The following DSC2 variants were observed in gnomAD, a reference collection of about 807,000 sequenced individuals.
The protein encoded by DSC2 is desmocollin-2.
In DSC2, 51 loss-of-function variants were observed where a neutral mutation model predicts 87.6. That is an observed-to-expected ratio of 0.58 (90% CI 0.46 to 0.74). The LOEUF is 0.74. Among genes scored for constraint, DSC2 ranks in the 30% least tolerant of loss-of-function variants. DSC2 has a pLI of 0.00. For synonymous variants in DSC2, 383 were observed against 393.2 expected, an observed-to-expected ratio of 0.97 and a Z score of 0.31; for missense variants, 1,066 against 1,089.5, an observed-to-expected ratio of 0.98 and a Z score of 0.30.
At chr18:31,096,079 G>A (rs1305196658) in intron 1 of DSC2, among the ~76,000 whole-genome samples, 2 of 152,106 alleles carry the variant, frequency 1.3e-5, no homozygotes, top group Non-Finnish European at 2.9e-5. Flanking sequence ...TAACGAGAAT[G>A]AGAAACCAAA....
chr18:31,089,329 A>T (rs761714858), intron 5 of DSC2, 110 bp downstream of exon 5: 539 of 1,228,796 alleles, frequency 4.4e-4, no homozygotes, highest in Middle Eastern at 1.7e-3. Context: ...GAGTAGCCAG[A>T]GCATTGGTGA....
intron 11 of DSC2, among the ~76,000 whole-genome samples, chr18:31,077,493 C>T (rs1213166609): frequency 6.6e-6 from 1 of 152,204 alleles, no homozygotes; most frequent in Admixed American, 6.5e-5. Flanking sequence ...CAATTTCCTT[C>T]CAGTAGATGT....
rs1318223723 is a variant in DSC2 at position 31,092,098 on chromosome 18, T to C, written c.354+3A>G. ...ATTTCTTCATTTATGTAGCCTTGTA[T>C]ACCTTTGTTTGATGCTCCAAAAAGA... On this transcript the variant is annotated splice_donor_region_variant and intron_variant, in intron 3 of 15. Transcript: ENST00000280904. 1 of 1,610,194 alleles carries C rather than the reference T, an allele frequency of 6.2e-7. No individual in the cohort carries two copies.
At position 31,069,100 on chromosome 18, in the gene DSC2, C is replaced by T; in HGVS notation, c.2302G>A (p.Val768Ile). Residue 768 changes from valine to isoleucine, a missense_variant, in exon 15 of 16, where the codon GTT (valine) becomes ATT (isoleucine). By Grantham distance (29) the Val-to-Ile change is conservative (BLOSUM62 3). Coordinates refer to ENST00000280904, the MANE Select transcript of DSC2 (RefSeq NM_024422.6). ...TQTVGASAQGVCGTVGSGIKN... is the reference protein window; with the variant it reads ...TQTVGASAQGICGTVGSGIKN... ...ATTCCTGATCCCACGGTGCCACAAA[C>T]TCCCTGAGCAGAAGCGCCCACAGTT... 1.2e-6 allele frequency: 2 copies of T among 1,614,136 alleles called. No homozygotes were observed. Among genetic ancestry groups the T allele is most frequent in the Non-Finnish European group, 1.7e-6 (2 of 1,179,994 alleles).
chr18:31,096,492 A>C (rs113213726), intron 1 of DSC2, among the ~76,000 whole-genome samples: 1,672 of 152,294 alleles, frequency 0.011, 33 homozygotes, highest in African/African-American at 0.038. Flanking sequence ...CTAAATCTTC[A>C]TTACAAATTT....
At position 31,102,079 on chromosome 18, in the gene DSC2, A is replaced by C; in HGVS notation, c.-108T>G. On this transcript the variant is annotated 5_prime_UTR_variant, in exon 1 of 16. Transcript: ENST00000280904. ...CAGTCTGGGCCCGCTGCTCAGGAGG[A>C]GCGCGAGGCGGAGGAGGTGGGGCGC... 2.0e-6 allele frequency: 2 copies of C among 992,602 alleles called. No homozygotes were observed. Among genetic ancestry groups the C allele is most frequent in the Non-Finnish European group, 1.4e-6 (1 of 734,664 alleles). 61.5% of individuals were successfully genotyped at this position (992,602 alleles called of 1,614,324 possible). A position where few individuals can be genotyped will look rare whatever the true frequency, so the allele number is the denominator to read the frequency against.
intron 9 of DSC2, among the ~76,000 whole-genome samples, chr18:31,081,598 A>G (rs1454010783): frequency 1.3e-5 from 2 of 152,226 alleles, no homozygotes; most frequent in Non-Finnish European, 2.9e-5. Flanking sequence ...GAATATATAC[A>G]AAAAGAAAAC....
At position 31,067,941 on chromosome 18, in the gene DSC2, TA is replaced by T; in HGVS notation, c.*73del. The T allele has an allele frequency of 7.0e-7, 1 of 1,421,668 alleles. No homozygotes were observed. Among genetic ancestry groups the T allele is most frequent in the Non-Finnish European group, 9.8e-7 (1 of 1,019,114 alleles). The allele number at this position is 1,421,668 out of a possible 1,614,324, so 88.1% of individuals were successfully genotyped here. ...CCCCCACAAATAGCATCTTCTGCTT[TA>T]AAAAATTCTTGGTTTGTAATTTTTT... On this transcript the variant is annotated 3_prime_UTR_variant, in exon 16 of 16. Transcript: ENST00000280904.
Position 31,093,611 on chromosome 18 carries a change from A to C in DSC2, c.102T>G (p.Asn34Lys), listed in dbSNP as rs759166097. 1 of 1,601,146 alleles carries C rather than the reference A, an allele frequency of 6.2e-7. No homozygotes were observed. Among genetic ancestry groups the C allele is most frequent in the South Asian group, 1.1e-5 (1 of 90,248 alleles). Residue 34 changes from asparagine to lysine, a missense_variant, in exon 2 of 16, where the codon AAT (asparagine) becomes AAG (lysine). Asn to Lys is a moderately conservative substitution (Grantham distance 94). Transcript: ENST00000280904. ...GTTTGGAGGGAACATGTAATGTCACATTTTTGCAGGCATCACTGGCAAATA... is the reference window on the plus strand; with the variant it reads ...GTTTGGAGGGAACATGTAATGTCACCTTTTTGCAGGCATCACTGGCAAATA... ...ILIFASDACK[N>K]VTLHVPSKLD...
chr18:31,080,908 C>T (rs1479139185), intron 9 of DSC2, among the ~76,000 whole-genome samples: 1 of 151,872 alleles, frequency 6.6e-6, no homozygotes, highest in Non-Finnish European at 1.5e-5. Context: ...AGGAGTTCTC[C>T]CACTGATTCA....
chr18:31,068,275 A>T, intron 15 of DSC2, 63 bp from the exon 16 acceptor site: 1 of 1,612,954 alleles, frequency 6.2e-7, no homozygotes, highest in African/African-American at 1.3e-5. Flanking sequence ...ATTTACTAAC[A>T]TAAAAGTAAT....
At chr18:31,073,684 C>T (rs1986907888) in intron 12 of DSC2, among the ~76,000 whole-genome samples, 1 of 152,188 alleles carries the variant, frequency 6.6e-6, no homozygotes, top group Non-Finnish European at 1.5e-5. Context: ...TAGACCATGA[C>T]ATCATGGTCC....
At chr18:31,083,158 A>C in intron 7 of DSC2, 98 bp from the exon 8 acceptor site, 5 of 1,338,700 alleles carry the variant, frequency 3.7e-6, no homozygotes, top group Non-Finnish European at 5.2e-6. Context: ...CTAAGAATTT[A>C]AGAAGTGCAT....
rs751550975 is a variant in DSC2 at position 31,067,987 on chromosome 18, T to C, written c.*28A>G. The C allele has an allele frequency of 9.9e-6, 16 of 1,610,066 alleles. No homozygotes were observed. The highest frequency in any genetic ancestry group is 1.2e-5 in the Non-Finnish European group (14 of 1,176,892). Reference sequence around the variant, plus strand: ...TTTTTTTTAAAAGTCATAAAGCCACTGGCTTTCAGAGACTTATTAGAACAC... The same window carrying C: ...TTTTTTTTAAAAGTCATAAAGCCACCGGCTTTCAGAGACTTATTAGAACAC... On this transcript the variant is annotated 3_prime_UTR_variant, in exon 16 of 16. Transcript: ENST00000280904.
At chr18:31,101,872 TC>T in intron 1 of DSC2, 30 bp downstream of exon 1, 1 of 1,520,956 alleles carries the variant, frequency 6.6e-7, no homozygotes. Flanking sequence ...ATCGCCCCCT[TC>T]CCCGGAGCGG....
intron 2 of DSC2, among the ~76,000 whole-genome samples, 199 bp from the exon 3 acceptor site, chr18:31,092,499 A>T (rs139324808): frequency 1.3e-5 from 2 of 152,330 alleles, no homozygotes; most frequent in East Asian, 3.9e-4. Flanking sequence ...CCTACTTAAC[A>T]TTCTCTTAAA....
At chr18:31,100,595 T>C (rs1319887751) in intron 1 of DSC2, among the ~76,000 whole-genome samples, 1 of 152,218 alleles carries the variant, frequency 6.6e-6, no homozygotes, top group Non-Finnish European at 1.5e-5. Context: ...TCCATTGAGC[T>C]CCTCGAGAAA....
rs1409842237 is a variant in DSC2 at position 31,071,855 on chromosome 18, T to C, written c.1889-14A>G. 8.2e-6 allele frequency: 13 copies of C among 1,591,950 alleles called. No individual in the cohort carries two copies. The highest frequency in any genetic ancestry group is 6.7e-5 in the African/African-American group (5 of 74,382). On this transcript the variant is annotated splice_polypyrimidine_tract_variant and intron_variant, in intron 12 of 15. Transcript: ENST00000280904. ...GTGCTGCTGTATCTGAAAATATAAA[T>C]AAATAAAACCAAACATTATACAATG...
intron 11 of DSC2, among the ~76,000 whole-genome samples, chr18:31,079,251 TTTTG>T (rs749549746): frequency 6.6e-5 from 10 of 151,994 alleles, no homozygotes; most frequent in Non-Finnish European, 1.0e-4. Flanking sequence ...TTTGTTTTGT[TTTTG>T]TTTTTGTTTT....
Sources: gnomAD v4.1 joint callset for allele counts (sites outside exome capture counted in the v4.1 genomes callset) on GRCh38, gnomAD v4.1.1 for gene constraint, MANE v1.5 for transcripts, NCBI Gene and HGNC (gene_info 2026-07-23, HGNC 2026-07-21) for gene names.